Variants in DNAH5 observed in about 807,000 individuals in gnomAD.
DNAH5 encodes the protein dynein axonemal heavy chain 5.
A neutral mutation model predicts 518.2 loss-of-function variants in DNAH5; 372 were observed. The ratio of observed to expected loss-of-function variants is 0.72; its 90% CI spans 0.66 to 0.78. DNAH5 has a LOEUF of 0.78. Ranked by LOEUF, DNAH5 falls within the 30% of genes least tolerant of loss-of-function variation. The pLI is 0.00. For synonymous variants in DNAH5, 2,039 were observed against 2,025.9 expected, an observed-to-expected ratio of 1.01 and a Z score of -0.17; for missense variants, 5,523 against 5,687.0, an observed-to-expected ratio of 0.97 and a Z score of 0.93.
intron 28 of DNAH5, among the ~76,000 whole-genome samples, chr5:13,862,983 T>C (rs1768705170): frequency 1.3e-5 from 2 of 152,230 alleles, no homozygotes; most frequent in Admixed American, 6.5e-5. Flanking sequence ...CTTTAATTTA[T>C]AAAATTTCCC....
intron 51 of DNAH5, among the ~76,000 whole-genome samples, chr5:13,788,160 C>A (rs1452715359): frequency 6.6e-6 from 1 of 152,142 alleles, no homozygotes; most frequent in South Asian, 2.1e-4. Flanking sequence ...CATTTAATGA[C>A]CCTCTCATAC....
Position 13,931,108 on chromosome 5 carries a change from A to G in DNAH5, c.192+2T>C. On this transcript the variant is annotated splice_donor_variant, in intron 2 of 78. Coordinates refer to ENST00000265104, the MANE Select transcript of DNAH5 (RefSeq NM_001369.3). LOFTEE classifies it high-confidence loss of function. ...GTCAGTGAGAAGTGAAACGCATCCC[A>G]CCTGATTCCCTTCAAGAATGGCATC... 1 of 1,614,054 alleles carries G rather than the reference A, an allele frequency of 6.2e-7. No individual in the cohort carries two copies. Among genetic ancestry groups the G allele is most frequent in the South Asian group, 1.1e-5 (1 of 91,074 alleles).
chr5:13,916,597 AAAT>A (rs1464368248), intron 8 of DNAH5, 142 bp from the exon 9 acceptor site: 1 of 436,212 alleles, frequency 2.3e-6, no homozygotes, highest in Non-Finnish European at 4.1e-6. Flanking sequence ...CTTTACATGA[AAAT>A]AATATATTTA....
chr5:13,745,472 T>G (rs1033064941), intron 65 of DNAH5, among the ~76,000 whole-genome samples: 2 of 152,094 alleles, frequency 1.3e-5, no homozygotes, highest in African/African-American at 4.8e-5. Flanking sequence ...TTTACACGTG[T>G]TTCTGAAGCA....
At position 13,882,908 on chromosome 5, in the gene DNAH5, G is replaced by A; in HGVS notation, c.3170C>T (p.Ser1057Phe). 6.2e-7 allele frequency: 1 copy of A among 1,614,058 alleles called. No homozygotes were observed. The highest frequency in any genetic ancestry group is 8.5e-7 in the Non-Finnish European group (1 of 1,179,988). Residue 1057 changes from serine to phenylalanine, a missense_variant, in exon 20 of 79, where the codon TCC becomes TTC. By Grantham distance (155) the Ser-to-Phe change is radical. Coordinates refer to ENST00000265104, the MANE Select transcript of DNAH5 (RefSeq NM_001369.3). ...ATTTCTGCACCCCATACCCACCTTG[G>A]ACAACAGTTCACTGCTCCACTGTCT... is the stretch of plus-strand genomic sequence containing the variant. Reference protein sequence around the residue: ...GVRQWSSELLSKKKIQERKMA... With the variant: ...GVRQWSSELLFKKKIQERKMA...
Position 13,865,838 on chromosome 5 carries a change from TG to T in DNAH5, c.4184del (p.Pro1395GlnfsTer11). 6.2e-7 allele frequency: 1 copy of T among 1,613,878 alleles called. No individual in the cohort carries two copies. The highest frequency in any genetic ancestry group is 8.5e-7 in the Non-Finnish European group (1 of 1,179,806). On this transcript the variant is annotated frameshift_variant, in exon 27 of 79. Coordinates refer to ENST00000265104, the MANE Select transcript of DNAH5 (RefSeq NM_001369.3). LOFTEE classifies it high-confidence loss of function. ...YTGGEELFGLPATQYPQLLEI... is the reference protein window; with the variant it reads ...YTGGEELFGLXATQYPQLLEI... ...CAAGAAGCTGAGGATACTGTGTAGC[TG>T]GCAGGCCAAAAAGCTCCTCTCCTCC...
At chr5:13,923,027 C>T (rs1209164771) in intron 4 of DNAH5, among the ~76,000 whole-genome samples, 1 of 151,986 alleles carries the variant, frequency 6.6e-6, no homozygotes, top group African/African-American at 2.4e-5. Flanking sequence ...AAAAAGAAAG[C>T]CCTCACTGTT....
intron 3 of DNAH5, among the ~76,000 whole-genome samples, chr5:13,924,555 A>C (rs1777651511): frequency 6.6e-6 from 1 of 151,928 alleles, no homozygotes; most frequent in Admixed American, 6.6e-5. Context: ...CATGCCTGTA[A>C]TCCCAGCTAC....
At chr5:13,906,728 T>C (rs1489773352) in intron 12 of DNAH5, among the ~76,000 whole-genome samples, 2 of 152,150 alleles carry the variant, frequency 1.3e-5, no homozygotes, top group African/African-American at 2.4e-5. Flanking sequence ...AAATAATCCA[T>C]GAGTAAAATA....
intron 18 of DNAH5, among the ~76,000 whole-genome samples, chr5:13,885,671 C>A (rs1375316303): frequency 6.6e-6 from 1 of 152,166 alleles, no homozygotes; most frequent in African/African-American, 2.4e-5. Context: ...AATAATCCAT[C>A]CAACTCTATT....
At chr5:13,694,953 T>A (rs1369681314) in intron 78 of DNAH5, among the ~76,000 whole-genome samples, 1 of 152,214 alleles carries the variant, frequency 6.6e-6, no homozygotes, top group Non-Finnish European at 1.5e-5. Context: ...TAATATTTAA[T>A]CATTTTACAG....
Position 13,928,181 on chromosome 5 carries a change from G to C in DNAH5, c.193-3C>G. On this transcript the variant is annotated splice_region_variant and splice_polypyrimidine_tract_variant and intron_variant, in intron 2 of 78. Transcript: ENST00000265104. Reference sequence around the variant, plus strand: ...AAAAGTTGATCAATTCTTTCAATCTGGGAAAAAGAAAAAGGCAAGATAATG... The same window carrying C: ...AAAAGTTGATCAATTCTTTCAATCTCGGAAAAAGAAAAAGGCAAGATAATG... The C allele has an allele frequency of 6.2e-7, 1 of 1,609,414 alleles. No homozygotes were observed.
chr5:13,769,364 T>A, intron 57 of DNAH5, 137 bp downstream of exon 57: 1 of 930,004 alleles, frequency 1.1e-6, no homozygotes, highest in Non-Finnish European at 1.7e-6. Context: ...TTTTTATACA[T>A]AAAATTAAGA....
intron 66 of DNAH5, 127 bp downstream of exon 66, chr5:13,737,125 A>G: frequency 3.4e-6 from 5 of 1,479,062 alleles, no homozygotes; most frequent in Non-Finnish European, 4.7e-6. Context: ...CCCAACAGAA[A>G]TTCCACAAAA....
intron 3 of DNAH5, among the ~76,000 whole-genome samples, chr5:13,924,389 A>G (rs1163890782): frequency 1.3e-5 from 2 of 152,126 alleles, no homozygotes; most frequent in Non-Finnish European, 1.5e-5. Context: ...AAATGAGAAT[A>G]ATATGGCCGG....
At chr5:13,877,816 G>T (rs1054065419) in intron 21 of DNAH5, among the ~76,000 whole-genome samples, 1 of 152,164 alleles carries the variant, frequency 6.6e-6, no homozygotes, top group Non-Finnish European at 1.5e-5. Flanking sequence ...TCTGAGAGTG[G>T]AGTGGATTAG....
intron 21 of DNAH5, 45 bp from the exon 22 acceptor site, chr5:13,876,862 G>T (rs773347624): frequency 3.8e-6 from 6 of 1,588,100 alleles, no homozygotes; most frequent in Non-Finnish European, 5.2e-6. Flanking sequence ...ACTCACACAA[G>T]AATGTACTTT....
intron 1 of DNAH5, among the ~76,000 whole-genome samples, chr5:13,979,630 C>G (rs1431486644): frequency 1.3e-5 from 2 of 152,194 alleles, no homozygotes; most frequent in Non-Finnish European, 2.9e-5. Flanking sequence ...TCCATTCTCT[C>G]TTGAATTCAC....
At chr5:14,001,753 G>C (rs908966119) in intron 1 of DNAH5, among the ~76,000 whole-genome samples, 1 of 151,232 alleles carries the variant, frequency 6.6e-6, no homozygotes, top group East Asian at 2.0e-4. Context: ...CAAAAGAGAA[G>C]CTGAGGCACC....
Sources: allele counts gnomAD v4.1 joint callset (sites outside exome capture counted in the v4.1 genomes callset), GRCh38; gene constraint gnomAD v4.1.1; transcripts MANE v1.5; gene names NCBI Gene and HGNC (gene_info 2026-07-23, HGNC 2026-07-21).